NAALADL2: variants seen among roughly 807,000 people sequenced by gnomAD.
NAALADL2 encodes inactive N-acetylated-alpha-linked acidic dipeptidase-like protein 2.
In NAALADL2, 76 loss-of-function variants were observed where a neutral mutation model predicts 87.2. The ratio of observed to expected loss-of-function variants is 0.87; its 90% CI spans 0.72 to 1.05. NAALADL2 has a LOEUF of 1.05. Among genes scored for constraint, NAALADL2 ranks in the 50% least tolerant of loss-of-function variants. NAALADL2 has a pLI of 0.00. For synonymous variants in NAALADL2, 354 were observed against 331.0 expected, an observed-to-expected ratio of 1.07 and a Z score of -0.75; for missense variants, 1,089 against 945.8, an observed-to-expected ratio of 1.15 and a Z score of -1.99.
At chr3:175,690,181 C>G (rs1173566762) in intron 11 of NAALADL2, among the ~76,000 whole-genome samples, 1 of 151,474 alleles carries the variant, frequency 6.6e-6, no homozygotes. Flanking sequence ...ACTTGTGGGC[C>G]GTTCATATTG....
rs187622661 is a variant in NAALADL2, at chr3:175,225,954, T to C, written c.546-7977T>C. Among the ~76,000 whole-genome samples, 33 of 152,250 alleles carry C rather than the reference T, an allele frequency of 2.2e-4. 1 individual carries two copies. The highest frequency in any genetic ancestry group is 8.3e-4 in the South Asian group (4 of 4,830). ...ATTTTTTTTCTGGCACAGGTAATAG[T>C]AGATGTGTTGACAGTTTGTTATATT... On this transcript the variant is annotated intron_variant, in intron 2 of 13. Transcript: ENST00000454872.
rs1301244771 is a variant in NAALADL2 at position 175,806,709 on chromosome 3, T to C, written c.*3506T>C. 7.2e-6 allele frequency: 1 copy of C among 137,986 alleles called. No individual in the cohort carries two copies. The highest frequency in any genetic ancestry group is 2.0e-4 in the East Asian group (1 of 4,916). The allele number at this position is 137,986 out of a possible 1,614,324, so 8.5% of individuals were successfully genotyped here. ...TGTATCCTTTTTTTTTTTTTTTTTT[T>C]TTTTTAATTCCCACAACAACCCATT... On this transcript the variant is annotated 3_prime_UTR_variant, in exon 14 of 14. Coordinates refer to ENST00000454872, the MANE Select transcript of NAALADL2 (RefSeq NM_207015.3).
At chr3:175,403,440 T>C (rs1189079307) in intron 5 of NAALADL2, among the ~76,000 whole-genome samples, 1 of 152,078 alleles carries the variant, frequency 6.6e-6, no homozygotes, top group Admixed American at 6.6e-5. Context: ...TTTGAATGGG[T>C]ACCAGGTGGA....
At chr3:174,965,432 C>A (rs1742727751) in intron 1 of NAALADL2, among the ~76,000 whole-genome samples, 1 of 152,166 alleles carries the variant, frequency 6.6e-6, no homozygotes. Context: ...AATTAGTTCC[C>A]ACCTTTTGAA....
chr3:175,081,132 T>A, intron 1 of NAALADL2: 1 of 152,156 alleles, frequency 6.6e-6, no homozygotes, highest in East Asian at 1.9e-4. Flanking sequence ...TTTAAACCGG[T>A]TTTCCAGTAA....
intron 9 of NAALADL2, among the ~76,000 whole-genome samples, chr3:175,484,653 T>G (rs1726991268): frequency 6.6e-6 from 1 of 152,264 alleles, no homozygotes; most frequent in South Asian, 2.1e-4. Flanking sequence ...AGACATTTTG[T>G]TTATATAAAT....
intron 3 of NAALADL2, among the ~76,000 whole-genome samples, chr3:174,758,473 A>T (rs2109062588): frequency 6.6e-6 from 1 of 152,312 alleles, no homozygotes; most frequent in African/African-American, 2.4e-5. Context: ...AGTCATAAGC[A>T]ATATTCCCAA....
At chr3:175,659,630 T>C (rs547432920) in intron 11 of NAALADL2, among the ~76,000 whole-genome samples, 1 of 152,004 alleles carries the variant, frequency 6.6e-6, no homozygotes, top group South Asian at 2.1e-4. Flanking sequence ...TTTGACTTTA[T>C]ATAGCTGAAT....
rs546555666 is a variant in NAALADL2 at position 174,921,804 on chromosome 3, CAAAAAA to C, written c.43+62366_43+62371del. 1.4e-3 allele frequency among the ~76,000 whole-genome samples: 59 copies of C among 42,426 alleles called. 1 individual carries two copies. Among genetic ancestry groups the C allele is most frequent in the Non-Finnish European group, 9.3e-4 (21 of 22,660 alleles). The allele number at this position is 42,426 out of a possible 152,430, so 27.8% of individuals were successfully genotyped here. ...TGGGCAACAGAGCAAGACTCCGTCT[CAAAAAA>C]AAAAAAAAAAAGAAAAAGAAAAAGA... On this transcript the variant is annotated intron_variant, in intron 1 of 13. Transcript: ENST00000454872.
At chr3:174,877,775 C>G (rs66995111) in intron 1 of NAALADL2, among the ~76,000 whole-genome samples, 9 of 151,918 alleles carry the variant, frequency 5.9e-5, no homozygotes, top group African/African-American at 2.2e-4. Flanking sequence ...AGAAATCAAA[C>G]GACTTTATTT....
chr3:175,068,639 A>T (rs1166827050), intron 1 of NAALADL2, among the ~76,000 whole-genome samples: 1 of 152,134 alleles, frequency 6.6e-6, no homozygotes, highest in Non-Finnish European at 1.5e-5. Flanking sequence ...TCACTTGGGA[A>T]TAAAGTGAAA....
At chr3:175,088,713 C>G (rs1314646736) in intron 1 of NAALADL2, among the ~76,000 whole-genome samples, 1 of 152,118 alleles carries the variant, frequency 6.6e-6, no homozygotes, top group Non-Finnish European at 1.5e-5. Context: ...TCTTGGAAAT[C>G]CAAAAGCCAT....
At chr3:174,859,994 G>C (rs1286586357) in intron 1 of NAALADL2, among the ~76,000 whole-genome samples, 1 of 152,082 alleles carries the variant, frequency 6.6e-6, no homozygotes, top group Admixed American at 6.6e-5. Context: ...TGCTTAATCA[G>C]ATACCTTTGT....
chr3:175,583,930 A>G (rs1720164607), intron 10 of NAALADL2, among the ~76,000 whole-genome samples: 1 of 152,176 alleles, frequency 6.6e-6, no homozygotes, highest in African/African-American at 2.4e-5. Context: ...CACTTATATA[A>G]TGTTTGCGTC....
Position 175,375,075 on chromosome 3 carries a change from G to T in NAALADL2, c.1090+50750G>T, listed in dbSNP as rs563743303. The stretch of plus-strand genomic sequence containing the variant: ...ATTGATTTACCTTGGCACTATTGTT[G>T]AAATCAATTGCTCATATAAGGTTCA... On this transcript the variant is annotated intron_variant, in intron 5 of 13. Coordinates refer to ENST00000454872, the MANE Select transcript of NAALADL2 (RefSeq NM_207015.3). 2.0e-5 allele frequency among the ~76,000 whole-genome samples: 3 copies of T among 152,080 alleles called. No homozygotes were observed. In the South Asian group the frequency reaches 6.2e-4, roughly 32 times the overall value.
At chr3:175,243,978 C>T (rs1251720014) in intron 3 of NAALADL2, among the ~76,000 whole-genome samples, 1 of 152,144 alleles carries the variant, frequency 6.6e-6, no homozygotes, top group African/African-American at 2.4e-5. Context: ...GACCTTCCAT[C>T]CTGCTCCTCA....
chr3:175,360,508 T>C (rs1294206431), intron 5 of NAALADL2, among the ~76,000 whole-genome samples: 1 of 152,070 alleles, frequency 6.6e-6, no homozygotes, highest in African/African-American at 2.4e-5. Flanking sequence ...GGTGTCTTCA[T>C]TTTGGAGGAA....
In NAALADL2 at chr3:175,803,749, G is replaced by T. The variant is rs1754458533; in HGVS notation, c.*546G>T. On this transcript the variant is annotated 3_prime_UTR_variant, in exon 14 of 14. Coordinates refer to ENST00000454872, the MANE Select transcript of NAALADL2 (RefSeq NM_207015.3). ...GAAGTTTCTCTTCTTAACACAACTA[G>T]ATGTAGTAATACACTGGTTATGAAA... The T allele has an allele frequency of 1.3e-5, 2 of 152,352 alleles. No individual in the cohort carries two copies. The highest frequency in any genetic ancestry group is 4.1e-4 in the South Asian group (2 of 4,830). The allele number at this position is 152,352 out of a possible 1,614,324, so 9.4% of individuals were successfully genotyped here.
intron 1 of NAALADL2, among the ~76,000 whole-genome samples, chr3:175,020,366 C>A (rs1217427909): frequency 5.3e-5 from 8 of 152,084 alleles, no homozygotes; most frequent in African/African-American, 1.9e-4. Flanking sequence ...GTGTTTCAAA[C>A]TGATGTTTCT....
Sources: allele counts gnomAD v4.1 joint callset (sites outside exome capture counted in the v4.1 genomes callset), GRCh38; gene constraint gnomAD v4.1.1; transcripts MANE v1.5; gene names NCBI Gene and HGNC (gene_info 2026-07-23, HGNC 2026-07-21).